Variants in RFWD3 observed in about 807,000 individuals in gnomAD.
RFWD3 encodes E3 ubiquitin-protein ligase RFWD3.
RFWD3 carries 65 observed loss-of-function variants against 87.7 expected under a neutral mutation model. That is an observed-to-expected ratio of 0.74 (90% CI 0.61 to 0.91). RFWD3 has a LOEUF of 0.91. Among genes scored for constraint, RFWD3 ranks in the 40% least tolerant of loss-of-function variants. RFWD3 has a pLI of 0.00. For missense variants in RFWD3, 1,078 were observed against 938.5 expected (o/e 1.15, Z -1.94); for synonymous variants, 433 against 352.8 (o/e 1.23, Z -2.55).
chr16:74,661,437 C>T lies in RFWD3; in HGVS notation c.13G>A (p.Ala5Thr), dbSNP rs767359427. The change falls in exon 2 of 13, where the codon GCA (alanine) becomes ACA (threonine). Residue 5 changes from alanine to threonine, a missense_variant. Physicochemically the swap from Ala to Thr is moderately conservative, Grantham distance 58. Transcript: ENST00000361070. MAHE[A>T]MEYDVQVQLN... ...TGCACCTGAACATCATATTCCATTG[C>T]TTCATGAGCCATCACTAGAGAAACA... 3 of 1,606,566 alleles carry T rather than the reference C, an allele frequency of 1.9e-6. No individual in the cohort carries two copies. The highest frequency in any genetic ancestry group is 1.3e-5 in the African/African-American group (1 of 74,544).
intron 3 of RFWD3, among the ~76,000 whole-genome samples, chr16:74,650,297 G>A (rs1248248636): frequency 6.7e-6 from 1 of 149,272 alleles, no homozygotes; most frequent in East Asian, 2.0e-4. Flanking sequence ...CTCCACCCCC[G>A]TTTCTACAAA....
intron 6 of RFWD3, among the ~76,000 whole-genome samples, chr16:74,639,601 A>G (rs988949870): frequency 5.9e-5 from 9 of 152,226 alleles, no homozygotes; most frequent in Non-Finnish European, 7.3e-5. Flanking sequence ...GGTACTTCTC[A>G]AGTTACCCTA....
At chr16:74,628,743 C>G in intron 10 of RFWD3, 77 bp from the exon 11 acceptor site, 1 of 1,280,116 alleles carries the variant, frequency 7.8e-7, no homozygotes, top group South Asian at 1.2e-5. Flanking sequence ...AGACCTCAAG[C>G]ACATTCCCAC....
At chr16:74,653,524 A>T (rs905299114) in intron 2 of RFWD3, among the ~76,000 whole-genome samples, 3 of 152,184 alleles carry the variant, frequency 2.0e-5, no homozygotes, top group African/African-American at 2.4e-5. Flanking sequence ...ATAAAAATTT[A>T]AAAAATGGCT....
At chr16:74,665,420 A>C in intron 1 of RFWD3, 2 of 152,390 alleles carry the variant, frequency 1.3e-5, no homozygotes, top group Middle Eastern at 6.8e-3. Flanking sequence ...TCCACTAAAA[A>C]TACAAAAACT....
At chr16:74,643,276 A>T (rs1218567045) in intron 6 of RFWD3, among the ~76,000 whole-genome samples, 1 of 152,012 alleles carries the variant, frequency 6.6e-6, no homozygotes, top group Non-Finnish European at 1.5e-5. Flanking sequence ...CCACCGCACC[A>T]GCCTTACTTT....
At chr16:74,654,967 G>C (rs1960847920) in intron 2 of RFWD3, among the ~76,000 whole-genome samples, 1 of 152,168 alleles carries the variant, frequency 6.6e-6, no homozygotes, top group African/African-American at 2.4e-5. Flanking sequence ...TGGTTCATGA[G>C]GTTTAAGAAA....
In RFWD3 at chr16:74,636,528, CT is replaced by C; in HGVS notation, c.1243del (p.Arg415GlyfsTer8). 6.2e-7 allele frequency: 1 copy of C among 1,613,912 alleles called. No homozygotes were observed. Among genetic ancestry groups the C allele is most frequent in the Non-Finnish European group, 8.5e-7 (1 of 1,180,016 alleles). Reference protein sequence around the residue: ...SHQSQNLQQPRGSQAWVLSCS... With the variant: ...SHQSQNLQQPXGSQAWVLSCS... The stretch of plus-strand genomic sequence containing the variant: ...GCTCAGGACCCATGCTTGGGAGCCC[CT>C]GGGTTGCTGTAAATTCTGACTTTGA... On this transcript the variant is annotated frameshift_variant, in exon 8 of 13. Coordinates refer to ENST00000361070, the MANE Select transcript of RFWD3 (RefSeq NM_018124.4). LOFTEE classifies it high-confidence loss of function.
At chr16:74,637,326 T>C (rs977359278) in intron 7 of RFWD3, among the ~76,000 whole-genome samples, 1 of 152,106 alleles carries the variant, frequency 6.6e-6, no homozygotes, top group Admixed American at 6.6e-5. Flanking sequence ...ATTTAATTTT[T>C]TCTAAAATTC....
intron 2 of RFWD3, among the ~76,000 whole-genome samples, chr16:74,654,594 A>C (rs1960823706): frequency 1.3e-5 from 2 of 152,148 alleles, no homozygotes; most frequent in African/African-American, 4.8e-5. Flanking sequence ...AAGTGTTCAA[A>C]TTAAGGGAAG....
chr16:74,628,310 C>T (rs1958994088), intron 11 of RFWD3, 142 bp downstream of exon 11: 11 of 718,304 alleles, frequency 1.5e-5, no homozygotes, highest in Non-Finnish European at 2.3e-5. Context: ...CACCATACTC[C>T]CTGTAGTAGC....
At chr16:74,644,485 G>T in intron 5 of RFWD3, 32 bp from the exon 6 acceptor site, 6 of 1,614,092 alleles carry the variant, frequency 3.7e-6, no homozygotes, top group Non-Finnish European at 5.1e-6. Context: ...AATTAGAGTG[G>T]TTCTAGGAAT....
chr16:74,656,534 G>A lies in RFWD3; in HGVS notation c.518+4398C>T, dbSNP rs573787616. On this transcript the variant is annotated intron_variant, in intron 2 of 12. Coordinates refer to ENST00000361070, the MANE Select transcript of RFWD3 (RefSeq NM_018124.4). ...GTCTGGCTCTGTCACCCAGGCTGGA[G>A]TGCAGTGGCATGATATTGGCTCATT... Among the ~76,000 whole-genome samples the A allele has an allele frequency of 3.9e-5, 6 of 152,056 alleles. No individual in the cohort carries two copies. The South Asian group carries it at 8.3e-4, about 21-fold the overall frequency.
intron 7 of RFWD3, among the ~76,000 whole-genome samples, chr16:74,636,941 G>A (rs1959211273): frequency 6.6e-6 from 1 of 151,840 alleles, no homozygotes; most frequent in South Asian, 2.1e-4. Flanking sequence ...TTGAACTCCT[G>A]ACCTCAGGTG....
intron 6 of RFWD3, among the ~76,000 whole-genome samples, chr16:74,640,601 C>T (rs1959550369): frequency 1.3e-5 from 2 of 151,910 alleles, no homozygotes; most frequent in African/African-American, 4.8e-5. Context: ...TCTGATGGCG[C>T]CACTGCACTC....
intron 9 of RFWD3, 72 bp from the exon 10 acceptor site, chr16:74,631,029 C>T (rs1304823498): frequency 3.8e-6 from 5 of 1,329,334 alleles, no homozygotes; most frequent in Non-Finnish European, 5.2e-6. Context: ...TAAAGATTAT[C>T]ATTTAAATGA....
At chr16:74,659,039 C>T (rs910054992) in intron 2 of RFWD3, among the ~76,000 whole-genome samples, 16 of 152,134 alleles carry the variant, frequency 1.1e-4, no homozygotes, top group African/African-American at 1.9e-4. Flanking sequence ...AGATTACAGG[C>T]GTGAGCCACT....
chr16:74,659,070 A>G (rs1375957620), intron 2 of RFWD3, among the ~76,000 whole-genome samples: 2 of 151,872 alleles, frequency 1.3e-5, no homozygotes, highest in Non-Finnish European at 2.9e-5. Flanking sequence ...ACATCAAGCA[A>G]TTTTCTCACT....
intron 6 of RFWD3, among the ~76,000 whole-genome samples, chr16:74,638,671 C>T (rs1226406129): frequency 2.0e-5 from 3 of 152,198 alleles, no homozygotes; most frequent in Non-Finnish European, 4.4e-5. Context: ...TTTAGCAACG[C>T]TGCTGGACTC....
Sources: gnomAD v4.1 joint callset for allele counts (sites outside exome capture counted in the v4.1 genomes callset) on GRCh38, gnomAD v4.1.1 for gene constraint, MANE v1.5 for transcripts, NCBI Gene and HGNC (gene_info 2026-07-23, HGNC 2026-07-21) for gene names.